MYO3A: variants seen among roughly 807,000 people sequenced by gnomAD.
The protein encoded by MYO3A is myosin IIIA, also known as myosin-IIIa.
MYO3A carries 180 observed loss-of-function variants against 192.7 expected under a neutral mutation model. The ratio of observed to expected loss-of-function variants is 0.93; its 90% CI spans 0.83 to 1.06. The LOEUF (loss-of-function observed/expected upper bound fraction) is 1.06, where lower values mean the gene tolerates loss of function less well. Ranked by LOEUF, MYO3A falls within the 50% of genes least tolerant of loss-of-function variation. The probability of loss-of-function intolerance (pLI) is 0.00; values close to 1 mark genes in which losing one functional copy is unlikely to be tolerated. For missense variants in MYO3A, 1,896 were observed against 1,905.0 expected, an observed-to-expected ratio of 1.00 and a Z score of 0.09; for synonymous variants, 628 against 645.3, an observed-to-expected ratio of 0.97 and a Z score of 0.41.
At chr10:25,995,783 G>C (rs1840390439) in intron 4 of MYO3A, among the ~76,000 whole-genome samples, 1 of 152,202 alleles carries the variant, frequency 6.6e-6, no homozygotes. Flanking sequence ...GACCCTGTTT[G>C]CCTGGGTATC....
chr10:25,976,837 C>G (rs537090221), intron 4 of MYO3A, among the ~76,000 whole-genome samples: 74 of 152,166 alleles, frequency 4.9e-4, no homozygotes, highest in African/African-American at 1.7e-3. Context: ...TTAAAAATTG[C>G]ATAGGCTAAA....
At chr10:26,132,667 GT>G (rs35028092) in intron 20 of MYO3A, among the ~76,000 whole-genome samples, 45 of 150,132 alleles carry the variant, frequency 3.0e-4, no homozygotes, top group African/African-American at 7.6e-4. Context: ...CTGAACTAAA[GT>G]TTTTTTTTTT....
intron 17 of MYO3A, 57 bp downstream of exon 17, chr10:26,096,739 G>A (rs923962267): frequency 2.2e-5 from 26 of 1,202,814 alleles, no homozygotes; most frequent in African/African-American, 3.0e-5. Flanking sequence ...CATCACTAAT[G>A]TTAAGAGCAT....
At chr10:26,040,389 G>A (rs935903081) in intron 10 of MYO3A, among the ~76,000 whole-genome samples, 2 of 152,008 alleles carry the variant, frequency 1.3e-5, no homozygotes, top group Admixed American at 1.3e-4. Context: ...TGAATCTTCA[G>A]CCAACAATTG....
At chr10:26,143,396 C>T in intron 20 of MYO3A, 52 bp from the exon 21 acceptor site, 1 of 1,540,338 alleles carries the variant, frequency 6.5e-7, no homozygotes, top group Admixed American at 1.7e-5. Context: ...TAGGTAATTA[C>T]TATGAAGCTA....
At chr10:26,114,789 AGT>A (rs1004962423) in intron 17 of MYO3A, among the ~76,000 whole-genome samples, 2 of 152,232 alleles carry the variant, frequency 1.3e-5, no homozygotes, top group African/African-American at 4.8e-5. Context: ...AATTAGTCAC[AGT>A]CTTTGTCCTC....
Position 26,070,171 on chromosome 10 carries a change from G to A in MYO3A, c.1231G>A (p.Ala411Thr). 1.2e-6 allele frequency: 2 copies of A among 1,612,288 alleles called. No individual in the cohort carries two copies. The highest frequency in any genetic ancestry group is 1.7e-6 in the Non-Finnish European group (2 of 1,178,540). ...TASPPHIFAM[A>T]DLGYQSMITY... Reference sequence around the variant, plus strand: ...CAGTCCTCCTCACATTTTTGCAATGGCTGACTTAGGATATCAATCTATGAT... The same window carrying A: ...CAGTCCTCCTCACATTTTTGCAATGACTGACTTAGGATATCAATCTATGAT... Residue 411 changes from alanine (A) to threonine (T), a missense_variant, in exon 13 of 35, where the codon GCT (alanine) becomes ACT (threonine). By Grantham distance (58) the Ala-to-Thr change is moderately conservative (BLOSUM62 0). Coordinates refer to ENST00000642920, the MANE Select transcript of MYO3A (RefSeq NM_017433.5).
chr10:26,115,389 T>A (rs1838440644), intron 17 of MYO3A, among the ~76,000 whole-genome samples: 1 of 152,236 alleles, frequency 6.6e-6, no homozygotes, highest in East Asian at 1.9e-4. Flanking sequence ...TAGTTGTTTT[T>A]AATATCCAAA....
intron 4 of MYO3A, among the ~76,000 whole-genome samples, chr10:25,962,156 G>T (rs938870004): frequency 2.0e-5 from 3 of 152,084 alleles, no homozygotes; most frequent in Non-Finnish European, 4.4e-5. Context: ...ATAATGATGT[G>T]CCAGATCTTG....
At chr10:26,008,286 G>T (rs1299451739) in intron 6 of MYO3A, among the ~76,000 whole-genome samples, 2 of 148,038 alleles carry the variant, frequency 1.4e-5, no homozygotes, top group Non-Finnish European at 3.0e-5. Flanking sequence ...AACCCTAGAA[G>T]AAAACCTAGG....
intron 9 of MYO3A, among the ~76,000 whole-genome samples, chr10:26,025,317 T>C (rs955854742): frequency 2.1e-5 from 3 of 145,250 alleles, no homozygotes; most frequent in Non-Finnish European, 4.6e-5. Context: ...TTCATCTTTT[T>C]ATGCTTTTTT....
At chr10:26,198,885 A>G (rs567998799) in intron 32 of MYO3A, among the ~76,000 whole-genome samples, 61 of 152,288 alleles carry the variant, frequency 4.0e-4, no homozygotes, top group African/African-American at 1.4e-3. Flanking sequence ...CTTTATTTGC[A>G]TTTCAAATTT....
At chr10:26,051,814 T>G (rs1844023285) in intron 10 of MYO3A, among the ~76,000 whole-genome samples, 1 of 152,000 alleles carries the variant, frequency 6.6e-6, no homozygotes, top group Non-Finnish European at 1.5e-5. Flanking sequence ...CTTATCCATT[T>G]ATGTGTTGAC....
chr10:26,101,802 C>T (rs906857846), intron 17 of MYO3A, among the ~76,000 whole-genome samples: 8 of 152,202 alleles, frequency 5.3e-5, no homozygotes, highest in African/African-American at 7.2e-5. Flanking sequence ...GTGGGTAAGC[C>T]GACCTTTCTC....
intron 4 of MYO3A, among the ~76,000 whole-genome samples, chr10:25,986,316 C>T (rs1839650958): frequency 6.6e-6 from 1 of 152,204 alleles, no homozygotes; most frequent in South Asian, 2.1e-4. Context: ...TGCCCACTTT[C>T]ACCACTTCTA....
intron 14 of MYO3A, among the ~76,000 whole-genome samples, chr10:26,083,549 T>A (rs1301602601): frequency 2.0e-5 from 3 of 152,090 alleles, no homozygotes; most frequent in Non-Finnish European, 2.9e-5. Flanking sequence ...GTGAAGAGAG[T>A]GCGCATTTTT....
chr10:26,128,255 T>C (rs1287832819), intron 19 of MYO3A, 136 bp from the exon 20 acceptor site: 7 of 829,160 alleles, frequency 8.4e-6, no homozygotes, highest in African/African-American at 1.7e-5. Flanking sequence ...GCTATTTCAG[T>C]TAAGAAAGTT....
At chr10:25,994,686 C>T (rs1375605564) in intron 4 of MYO3A, among the ~76,000 whole-genome samples, 2 of 152,140 alleles carry the variant, frequency 1.3e-5, no homozygotes, top group Middle Eastern at 3.2e-3. Flanking sequence ...CCTTCAGGAG[C>T]TCTTTTAGGG....
At chr10:25,999,466 G>T (rs61848904) in intron 6 of MYO3A, among the ~76,000 whole-genome samples, 2 of 152,116 alleles carry the variant, frequency 1.3e-5, no homozygotes, top group African/African-American at 4.8e-5. Flanking sequence ...AAAACCTGAG[G>T]ATGGTAGGGG....
Sources: allele counts gnomAD v4.1 joint callset (sites outside exome capture counted in the v4.1 genomes callset), GRCh38; gene constraint gnomAD v4.1.1; transcripts MANE v1.5; gene names NCBI Gene and HGNC (gene_info 2026-07-23, HGNC 2026-07-21).